The following POLE variants were observed in gnomAD, a reference collection of about 807,000 sequenced individuals.
POLE encodes the protein DNA polymerase epsilon, catalytic subunit.
Under a neutral mutation model 279.2 loss-of-function variants are expected in POLE, and 188 were observed. The ratio of observed to expected loss-of-function variants is 0.67; its 90% CI spans 0.60 to 0.76. The LOEUF (loss-of-function observed/expected upper bound fraction) is 0.76, where lower values mean the gene tolerates loss of function less well. POLE is among the 30% of genes least tolerant of loss of function. POLE has a pLI of 0.00. For missense variants in POLE, 2,703 were observed against 3,016.7 expected, an observed-to-expected ratio of 0.90 and a Z score of 2.44; for synonymous variants, 1,214 against 1,172.5, an observed-to-expected ratio of 1.04 and a Z score of -0.72.
chr12:132,650,844 T>G (rs569067989), intron 29 of POLE: 1 of 149,830 alleles, frequency 6.7e-6, no homozygotes, highest in East Asian at 2.0e-4. Flanking sequence ...TAGTAACATG[T>G]GGGACACATC....
chr12:132,686,064 A>C (rs1025674558), intron 1 of POLE, among the ~76,000 whole-genome samples: 2 of 151,834 alleles, frequency 1.3e-5, no homozygotes, highest in South Asian at 4.2e-4. Context: ...TTTAGTGGAG[A>C]CGGGATTTCT....
At position 132,642,988 on chromosome 12, in the gene POLE, G is replaced by C. The variant is rs2042187560; in HGVS notation, c.4560C>G (p.Ser1520Arg). ...GGGCGCCAAGGCTGGGCATCTGGTT[G>C]CTGCGCACCTAGACCAACGCAGGCC... ...ASVFVLDTVR[S>R]NQMPSLGALY... The change falls in exon 36 of 49, where the codon AGC becomes AGG. Residue 1520 changes from serine to arginine, a missense_variant. By Grantham distance (110) the Ser-to-Arg change is moderately radical. This residue lies in a region of POLE where 1,551 missense variants were observed against 1,686.1 expected (regional missense o/e 0.92). Coordinates refer to ENST00000320574, the MANE Select transcript of POLE (RefSeq NM_006231.4). 1 of 1,593,772 alleles carries C rather than the reference G, an allele frequency of 6.3e-7. No individual in the cohort carries two copies. The highest frequency in any genetic ancestry group is 8.5e-7 in the Non-Finnish European group (1 of 1,173,602).
chr12:132,685,852 G>C (rs916781713), intron 1 of POLE, among the ~76,000 whole-genome samples: 1 of 152,026 alleles, frequency 6.6e-6, no homozygotes, highest in Non-Finnish European at 1.5e-5. Flanking sequence ...TCTGTAAAAA[G>C]CTTCACGTTC....
chr12:132,667,834 C>G (rs1228936784), intron 19 of POLE, among the ~76,000 whole-genome samples, 186 bp from the exon 20 acceptor site: 2 of 152,172 alleles, frequency 1.3e-5, no homozygotes, highest in Non-Finnish European at 2.9e-5. Context: ...GTAATCCCAG[C>G]ACTTTGGGAG....
At chr12:132,636,156 T>C in intron 41 of POLE, 132 bp from the exon 42 acceptor site, 2 of 935,758 alleles carry the variant, frequency 2.1e-6, no homozygotes, top group Non-Finnish European at 3.1e-6. Flanking sequence ...TCAGACCACA[T>C]CATCCCTCAG....
In POLE at chr12:132,665,467, C is replaced by T. The variant is rs2135962473; in HGVS notation, c.2320-17G>A. On this transcript the variant is annotated splice_polypyrimidine_tract_variant and intron_variant, in intron 20 of 48. Transcript: ENST00000320574. Reference sequence around the variant, plus strand: ...TTTCCACACCTGAGAAGCACATGAACATGGAGCACCTCACAGATTCTTCCA... The same window carrying T: ...TTTCCACACCTGAGAAGCACATGAATATGGAGCACCTCACAGATTCTTCCA... The T allele has an allele frequency of 6.3e-7, 1 of 1,596,660 alleles. No homozygotes were observed. Among genetic ancestry groups the T allele is most frequent in the Non-Finnish European group, 8.5e-7 (1 of 1,170,482 alleles).
At chr12:132,633,998 C>T (rs1322188744) in intron 43 of POLE, 188 bp downstream of exon 43, 2 of 559,480 alleles carry the variant, frequency 3.6e-6, no homozygotes, top group Non-Finnish European at 6.3e-6. Flanking sequence ...CTCTCCGGGC[C>T]CTCCAGTGGA....
In POLE at chr12:132,668,796, G is replaced by T. The variant is rs763092591; in HGVS notation, c.1923+15C>A. On this transcript the variant is annotated intron_variant, in intron 17 of 48. Coordinates refer to ENST00000320574, the MANE Select transcript of POLE (RefSeq NM_006231.4). The surrounding 1 kb of genome is among the most constrained non-coding windows in gnomAD (Gnocchi z 4.0). ...AGAGAGAGCTCCGACTCTGACACGG[G>T]AAGTAAAGTCTCACCTGCAGGCGGT... 1.5e-5 allele frequency: 24 copies of T among 1,613,862 alleles called. No individual in the cohort carries two copies. The highest frequency in any genetic ancestry group is 1.9e-5 in the Non-Finnish European group (23 of 1,179,840).
chr12:132,667,014 AAAT>A (rs1373849066), intron 20 of POLE, among the ~76,000 whole-genome samples: 1 of 152,166 alleles, frequency 6.6e-6, no homozygotes, highest in Admixed American at 6.5e-5. Flanking sequence ...ATCAGATATA[AAAT>A]AATGACCCGT....
chr12:132,674,569 C>T (rs1272722405), intron 12 of POLE, among the ~76,000 whole-genome samples: 1 of 152,142 alleles, frequency 6.6e-6, no homozygotes, highest in African/African-American at 2.4e-5. Flanking sequence ...GGTGCCAACC[C>T]CTCCCTAAGA....
At chr12:132,670,100 G>A (rs962830726) in intron 16 of POLE, among the ~76,000 whole-genome samples, 7 of 152,094 alleles carry the variant, frequency 4.6e-5, no homozygotes, top group East Asian at 2.0e-4. Context: ...GGTCGGGCGC[G>A]GTGGCTCACG....
chr12:132,663,983 G>A lies in POLE; in HGVS notation c.2706+21C>T, dbSNP rs540241256. ...GACGCCAGGCCAGCCAGAGCTTCAG[G>A]ACCAGAGGCCCCAGACTCACCTTGA... On this transcript the variant is annotated intron_variant, in intron 23 of 48. Transcript: ENST00000320574. The A allele has an allele frequency of 2.4e-5, 39 of 1,613,306 alleles. No individual in the cohort carries two copies. Among genetic ancestry groups the A allele is most frequent in the African/African-American group, 1.3e-4 (10 of 75,012 alleles).
In POLE at chr12:132,649,513, C is replaced by G. The variant is rs771873153; in HGVS notation, c.3798G>C (p.Glu1266Asp). The G allele has an allele frequency of 2.5e-6, 4 of 1,612,558 alleles. No homozygotes were observed. Among genetic ancestry groups the G allele is most frequent in the Non-Finnish European group, 3.4e-6 (4 of 1,179,880 alleles). The change falls in exon 31 of 49, where the codon GAG becomes GAC. Residue 1266 changes from glutamate (E) to aspartate (D), a missense_variant and splice_region_variant. Transcript: ENST00000320574. ...GQPPALGTSQEEWLVWLRFHK... is the reference protein window; with the variant it reads ...GQPPALGTSQDEWLVWLRFHK... Reference sequence around the variant, plus strand: ...GGAACCGGAGCCAGACAAGCCATTCCTCCTGGGATGGATGGTGAGCACAGC... The same window carrying G: ...GGAACCGGAGCCAGACAAGCCATTCGTCCTGGGATGGATGGTGAGCACAGC...
chr12:132,642,119 C>A, intron 38 of POLE, 58 bp downstream of exon 38: 1 of 1,388,794 alleles, frequency 7.2e-7, no homozygotes, highest in South Asian at 1.4e-5. Context: ...GAGAAGATGT[C>A]ACAGAATGGC....
At chr12:132,672,486 G>A (rs1051211162) in intron 15 of POLE, 141 bp downstream of exon 15, 2 of 1,070,198 alleles carry the variant, frequency 1.9e-6, no homozygotes, top group Non-Finnish European at 2.8e-6. Flanking sequence ...CCCCCGGGGG[G>A]TGCTGGGCCA....
intron 47 of POLE, 47 bp downstream of exon 47, chr12:132,625,598 C>T (rs542005543): frequency 8.7e-6 from 14 of 1,605,606 alleles, no homozygotes; most frequent in Non-Finnish European, 1.2e-5. Flanking sequence ...CACAGAAACC[C>T]CCCTGTGGAC....
At position 132,668,585 on chromosome 12, in the gene POLE, C is replaced by A. The variant is rs374062368; in HGVS notation, c.2026+50G>T. ...ACCAAGTGGAGAAAGGCGGCCGACA[C>A]TCACCCACCCGTTTCCCACCGAGTG... On this transcript the variant is annotated intron_variant, in intron 18 of 48. Coordinates refer to ENST00000320574, the MANE Select transcript of POLE (RefSeq NM_006231.4). This position sits in a 1 kb window ranked among gnomAD's most constrained non-coding sequence, Gnocchi z 4.0. 1 of 1,587,060 alleles carries A rather than the reference C, an allele frequency of 6.3e-7. No homozygotes were observed.
chr12:132,661,013 C>A lies in POLE; in HGVS notation c.3016G>T (p.Val1006Leu). 1 of 1,613,908 alleles carries A rather than the reference C, an allele frequency of 6.2e-7. No homozygotes were observed. Among genetic ancestry groups the A allele is most frequent in the Middle Eastern group, 1.7e-4 (1 of 6,058 alleles). Residue 1006 changes from valine to leucine, a missense_variant, in exon 25 of 49, where the codon GTA becomes TTA. By Grantham distance (32) the Val-to-Leu change is conservative. This residue lies in a region of POLE where 1,551 missense variants were observed against 1,686.1 expected (regional missense o/e 0.92). Transcript: ENST00000320574. This position sits in a 1 kb window ranked among gnomAD's most constrained non-coding sequence, Gnocchi z 4.1. The stretch of plus-strand genomic sequence containing the variant: ...AGCCAGTAGTCAGCCACCTTGGCTA[C>A]AGAGCCATACACCTCTTCCAGCGTG... ...GSTLEEVYGS[V>L]AKVADYWLDV...
At chr12:132,658,350 C>G (rs547073395) in intron 26 of POLE, 1 of 208,994 alleles carries the variant, frequency 4.8e-6, no homozygotes, top group African/African-American at 2.3e-5. Context: ...CACGGCATAA[C>G]CATGTGCATG....
Sources: allele counts gnomAD v4.1 joint callset (sites outside exome capture counted in the v4.1 genomes callset), GRCh38; gene constraint gnomAD v4.1.1; regional missense constraint gnomAD v4.1.1; non-coding constraint Gnocchi (gnomAD v3.1); transcripts MANE v1.5; gene names NCBI Gene and HGNC (gene_info 2026-07-23, HGNC 2026-07-21).